Variants in NRG1 observed in about 807,000 individuals in gnomAD.
NRG1 encodes the protein neuregulin 1.
In NRG1, 18 loss-of-function variants were observed where a neutral mutation model predicts 63.8. The ratio of observed to expected loss-of-function variants is 0.28; its 90% CI spans 0.19 to 0.42. The LOEUF is 0.42. Ranked by LOEUF, NRG1 falls within the 10% of genes least tolerant of loss-of-function variation. NRG1 has a pLI of 1.00. For missense variants in NRG1, 762 were observed against 814.7 expected (o/e 0.94, Z 0.79); for synonymous variants, 302 against 301.3 (o/e 1.00, Z -0.02).
intron 1 of NRG1, among the ~76,000 whole-genome samples, chr8:32,494,821 T>G (rs970460538): frequency 1.3e-5 from 2 of 151,016 alleles, no homozygotes; most frequent in East Asian, 3.9e-4. Context: ...CCAGCCTCAT[T>G]GTCCTTGGTA....
chr8:32,545,854 T>C (rs1450308967), upstream of NRG1, among the ~76,000 whole-genome samples: 5 of 152,184 alleles, frequency 3.3e-5, no homozygotes, highest in Admixed American at 2.6e-4. Context: ...CCAGAAAGGA[T>C]TGTTGTCATG....
chr8:32,085,983 T>C (rs1828162372), intron 1 of NRG1, among the ~76,000 whole-genome samples: 1 of 152,184 alleles, frequency 6.6e-6, no homozygotes, highest in Non-Finnish European at 1.5e-5. Flanking sequence ...TGCACCGTGC[T>C]CCTTAGTAGA....
chr8:31,727,750 CT>C (rs960481069), intron 1 of NRG1, among the ~76,000 whole-genome samples: 1 of 151,998 alleles, frequency 6.6e-6, no homozygotes, highest in Admixed American at 6.6e-5. Flanking sequence ...CATATATTGT[CT>C]TTTTTTTATA....
rs923966931 is a variant in NRG1 at position 32,760,680 on chromosome 8, C to T, written c.1259+274C>T. 1.9e-5 allele frequency: 23 copies of T among 1,235,824 alleles called. No homozygotes were observed. The African/African-American group carries it at 3.5e-4, about 19-fold the overall frequency. 76.6% of individuals were successfully genotyped at this position (1,235,824 alleles called of 1,614,324 possible). A position where few individuals can be genotyped will look rare whatever the true frequency, so the allele number is the denominator to read the frequency against. ...AAGGTGCAGCACATGGAGTTTCCAG[C>T]TCTGGCCATGGGCTCAGACCCACTC... On this transcript the variant is annotated intron_variant, in intron 11 of 11. Coordinates refer to ENST00000356819, the Ensembl canonical transcript of NRG1.
chr8:32,107,634 C>T (rs1429056253), intron 1 of NRG1, among the ~76,000 whole-genome samples: 3 of 152,086 alleles, frequency 2.0e-5, no homozygotes, highest in Admixed American at 6.6e-5. Flanking sequence ...TATTTGTGTT[C>T]ACATTCAGTG....
At chr8:32,745,450 A>G (rs1827238989) in intron 7 of NRG1, among the ~76,000 whole-genome samples, 1 of 152,304 alleles carries the variant, frequency 6.6e-6, no homozygotes, top group South Asian at 2.1e-4. Context: ...TCTGGTCAGA[A>G]TGTCCAATGA....
At chr8:32,340,645 T>C (rs1803958236) in intron 1 of NRG1, among the ~76,000 whole-genome samples, 1 of 152,212 alleles carries the variant, frequency 6.6e-6, no homozygotes, top group Non-Finnish European at 1.5e-5. Context: ...CATTTCAAGC[T>C]CCTGGATTCA....
intron 1 of NRG1, among the ~76,000 whole-genome samples, chr8:31,805,945 A>G (rs1822241695): frequency 6.6e-6 from 1 of 152,144 alleles, no homozygotes; most frequent in Non-Finnish European, 1.5e-5. Context: ...GACTGAAAAT[A>G]TTTAAATGAA....
chr8:31,686,948 T>C (rs1413310016), intron 1 of NRG1, among the ~76,000 whole-genome samples: 1 of 152,040 alleles, frequency 6.6e-6, no homozygotes, highest in Non-Finnish European at 1.5e-5. Context: ...TTTGTATTTT[T>C]AGTAGAGATA....
chr8:32,607,913 T>C (rs78519083), intron 3 of NRG1, among the ~76,000 whole-genome samples: 2,339 of 152,180 alleles, frequency 0.015, 69 homozygotes, highest in African/African-American at 0.054. Context: ...ATGAAGAGTC[T>C]CAATTGCAAT....
intron 2 of NRG1, among the ~76,000 whole-genome samples, chr8:32,597,222 A>C (rs2129537783): frequency 6.6e-6 from 1 of 152,288 alleles, no homozygotes; most frequent in South Asian, 2.1e-4. Flanking sequence ...TAACAGAAGC[A>C]ACAGAACAAT....
At chr8:32,677,957 T>G (rs1351827342) in intron 5 of NRG1, among the ~76,000 whole-genome samples, 1 of 152,162 alleles carries the variant, frequency 6.6e-6, no homozygotes, top group African/African-American at 2.4e-5. Flanking sequence ...AAACACAACC[T>G]TTGCTGTCCT....
intron 1 of NRG1, among the ~76,000 whole-genome samples, chr8:31,912,502 T>A (rs1236050358): frequency 2.0e-5 from 3 of 150,610 alleles, no homozygotes; most frequent in Non-Finnish European, 4.4e-5. Context: ...GTGACCTGCC[T>A]CTGAGAGTTT....
intron 5 of NRG1, among the ~76,000 whole-genome samples, chr8:32,652,862 C>T (rs144005955): frequency 6.6e-6 from 1 of 152,184 alleles, no homozygotes; most frequent in African/African-American, 2.4e-5. Context: ...TTCCTCCTTC[C>T]CTCTTCCTTT....
At chr8:32,625,886 C>T (rs776713660) in intron 5 of NRG1, among the ~76,000 whole-genome samples, 2 of 149,708 alleles carry the variant, frequency 1.3e-5, no homozygotes, top group African/African-American at 2.5e-5. Flanking sequence ...CTCGGCCTCC[C>T]GGGTTCAAGC....
chr8:32,730,536 T>A (rs1823385479), intron 6 of NRG1, among the ~76,000 whole-genome samples: 2 of 152,246 alleles, frequency 1.3e-5, no homozygotes, highest in South Asian at 4.1e-4. Flanking sequence ...CTCATACGAC[T>A]ATGTTTATTG....
At chr8:31,744,471 A>G (rs1815647821) in intron 1 of NRG1, among the ~76,000 whole-genome samples, 1 of 151,944 alleles carries the variant, frequency 6.6e-6, no homozygotes, top group Non-Finnish European at 1.5e-5. Context: ...TTGGATCACC[A>G]TGGCAGAGCC....
intron 1 of NRG1, among the ~76,000 whole-genome samples, chr8:32,227,413 A>G (rs1275233156): frequency 6.6e-6 from 1 of 152,202 alleles, no homozygotes; most frequent in South Asian, 2.1e-4. Flanking sequence ...TAAAAATTAC[A>G]CCATGTTTTT....
At chr8:32,203,773 C>T (rs558350110) in intron 1 of NRG1, among the ~76,000 whole-genome samples, 4 of 152,122 alleles carry the variant, frequency 2.6e-5, no homozygotes, top group Non-Finnish European at 5.9e-5. Flanking sequence ...GGGAATAAAA[C>T]AGTTACCTCC....
Sources: allele counts gnomAD v4.1 joint callset (sites outside exome capture counted in the v4.1 genomes callset), GRCh38; gene constraint gnomAD v4.1.1; transcripts MANE v1.5; gene names NCBI Gene and HGNC (gene_info 2026-07-23, HGNC 2026-07-21).